The following DEPTOR variants were observed in gnomAD, a reference collection of about 807,000 sequenced individuals.
DEPTOR encodes the protein DEP domain-containing mTOR-interacting protein.
In DEPTOR, 41 loss-of-function variants were observed where a neutral mutation model predicts 41.6. The ratio of observed to expected loss-of-function variants is 0.98; its 90% CI spans 0.77 to 1.28. The LOEUF (loss-of-function observed/expected upper bound fraction) is 1.28. Among genes scored for constraint, DEPTOR ranks in the 50% most tolerant of loss-of-function variants. The pLI is 0.00. For synonymous variants in DEPTOR, 195 were observed against 192.3 expected (o/e 1.01, Z -0.12); for missense variants, 514 against 527.9 (o/e 0.97, Z 0.26).
At chr8:119,942,563 T>C (rs1208208853) in intron 3 of DEPTOR, among the ~76,000 whole-genome samples, 1 of 152,200 alleles carries the variant, frequency 6.6e-6, no homozygotes, top group East Asian at 1.9e-4. Context: ...GACTCATTGA[T>C]GGTGGAGATT....
At chr8:120,003,134 C>T (rs775193539) in intron 6 of DEPTOR, 23 bp downstream of exon 6, 31 of 1,608,008 alleles carry the variant, frequency 1.9e-5, no homozygotes, top group Non-Finnish European at 2.0e-5. Flanking sequence ...AAGGTGGCCC[C>T]GCTCCTAAGA....
At chr8:119,953,473 C>T (rs1448528067) in intron 3 of DEPTOR, among the ~76,000 whole-genome samples, 1 of 151,822 alleles carries the variant, frequency 6.6e-6, no homozygotes, top group Admixed American at 6.6e-5. Flanking sequence ...ATCCTAGCTA[C>T]TTGGGAGGCT....
chr8:119,947,572 G>C (rs574892365), intron 3 of DEPTOR, among the ~76,000 whole-genome samples: 47 of 152,232 alleles, frequency 3.1e-4, no homozygotes, highest in African/African-American at 1.1e-3. Context: ...ATATATAAGA[G>C]CAGTTCCCAG....
chr8:119,875,703 G>C (rs1489302579), intron 1 of DEPTOR, among the ~76,000 whole-genome samples: 1 of 152,182 alleles, frequency 6.6e-6, no homozygotes, highest in Non-Finnish European at 1.5e-5. Context: ...GAGGGGTGCA[G>C]GGGAATAGTG....
At chr8:119,970,553 T>C (rs1828618836) in intron 4 of DEPTOR, among the ~76,000 whole-genome samples, 1 of 152,164 alleles carries the variant, frequency 6.6e-6, no homozygotes, top group Non-Finnish European at 1.5e-5. Flanking sequence ...TTTCACCTAC[T>C]AAGTGGCCAC....
intron 1 of DEPTOR, among the ~76,000 whole-genome samples, chr8:119,879,613 A>C (rs1293103290): frequency 6.6e-6 from 1 of 152,018 alleles, no homozygotes; most frequent in Non-Finnish European, 1.5e-5. Context: ...TCAGGAGGCG[A>C]GGCACAAGAA....
chr8:120,018,256 A>G (rs1812642187), intron 8 of DEPTOR, among the ~76,000 whole-genome samples: 2 of 152,110 alleles, frequency 1.3e-5, no homozygotes, highest in South Asian at 4.1e-4. Context: ...TTTCCCTAAG[A>G]CATAGATCCT....
At chr8:120,024,452 G>C (rs2130148370) in intron 8 of DEPTOR, among the ~76,000 whole-genome samples, 1 of 152,228 alleles carries the variant, frequency 6.6e-6, no homozygotes, top group South Asian at 2.1e-4. Context: ...CTCAAAATCT[G>C]ACTCTCTTTG....
intron 1 of DEPTOR, among the ~76,000 whole-genome samples, chr8:119,924,475 G>T (rs987765711): frequency 1.3e-5 from 2 of 151,966 alleles, no homozygotes; most frequent in Non-Finnish European, 2.9e-5. Flanking sequence ...TAGCAACAAG[G>T]CTTCTGGGTG....
At chr8:120,019,492 G>A (rs192324994) in intron 8 of DEPTOR, among the ~76,000 whole-genome samples, 23 of 152,220 alleles carry the variant, frequency 1.5e-4, no homozygotes, top group Non-Finnish European at 2.9e-4. Context: ...ATCCTGTCAC[G>A]AGAAATTAGT....
intron 8 of DEPTOR, among the ~76,000 whole-genome samples, chr8:120,010,508 CA>C (rs1205183046): frequency 6.6e-6 from 1 of 151,446 alleles, no homozygotes; most frequent in Non-Finnish European, 1.5e-5. Flanking sequence ...CCCAGCTGAT[CA>C]GGAGGCTGAG....
intron 4 of DEPTOR, among the ~76,000 whole-genome samples, chr8:119,993,800 G>A (rs1191297151): frequency 6.6e-6 from 1 of 151,256 alleles, no homozygotes; most frequent in Non-Finnish European, 1.5e-5. Context: ...CAAAAAGTAA[G>A]TTGTTTATGT....
chr8:119,969,704 A>C (rs963246106), intron 4 of DEPTOR: 1 of 152,162 alleles, frequency 6.6e-6, no homozygotes, highest in African/African-American at 2.4e-5. Flanking sequence ...TTGTAGGAGT[A>C]CTGAATATTC....
At chr8:120,028,109 G>A (rs747183066) in intron 8 of DEPTOR, among the ~76,000 whole-genome samples, 51 of 152,266 alleles carry the variant, frequency 3.3e-4, no homozygotes, top group African/African-American at 1.1e-3. Context: ...GTGTTCCACA[G>A]TTTGTTTATG....
At chr8:119,933,206 C>T (rs1828067630) in intron 3 of DEPTOR, among the ~76,000 whole-genome samples, 1 of 151,902 alleles carries the variant, frequency 6.6e-6, no homozygotes, top group African/African-American at 2.4e-5. Flanking sequence ...GAAGGTGGCT[C>T]AAGTAATATG....
rs71571645 is a variant in DEPTOR, at chr8:120,034,264, TACACACAC to T, written c.1102-15284_1102-15277del. ...TAACTGTGTGTCTCTGCAAAGCATG[TACACACAC>T]ACACACACACACACACACACACACA... is the stretch of plus-strand genomic sequence containing the variant. On this transcript the variant is annotated intron_variant, in intron 8 of 8. Coordinates refer to ENST00000286234, the MANE Select transcript of DEPTOR (RefSeq NM_022783.4). Among the ~76,000 whole-genome samples, 1,131 of 145,366 alleles carry T rather than the reference TACACACAC, an allele frequency of 7.8e-3. 11 individuals carry two copies. Among genetic ancestry groups the T allele is most frequent in the African/African-American group, 0.017 (673 of 39,122 alleles).
At chr8:119,875,939 C>T (rs1279404457) in intron 1 of DEPTOR, among the ~76,000 whole-genome samples, 2 of 152,128 alleles carry the variant, frequency 1.3e-5, no homozygotes, top group Admixed American at 1.3e-4. Flanking sequence ...CTGTAGCAGG[C>T]GAGTGATAAC....
chr8:119,913,875 A>T (rs1827777197), intron 1 of DEPTOR, among the ~76,000 whole-genome samples: 1 of 152,142 alleles, frequency 6.6e-6, no homozygotes, highest in African/African-American at 2.4e-5. Context: ...AAGTTGGCTT[A>T]CCATGCCCTA....
intron 1 of DEPTOR, among the ~76,000 whole-genome samples, chr8:119,916,801 T>A (rs1194684341): frequency 2.0e-5 from 3 of 152,216 alleles, no homozygotes; most frequent in Admixed American, 2.0e-4. Flanking sequence ...CCCCTTCAGA[T>A]GTTATCTTAT....
Sources: allele counts gnomAD v4.1 joint callset (sites outside exome capture counted in the v4.1 genomes callset), GRCh38; gene constraint gnomAD v4.1.1; transcripts MANE v1.5; gene names NCBI Gene and HGNC (gene_info 2026-07-23, HGNC 2026-07-21).